Variants in CAMTA1 observed in about 807,000 individuals in gnomAD.
CAMTA1 encodes calmodulin-binding transcription activator 1.
CAMTA1 carries 27 observed loss-of-function variants against 170.9 expected under a neutral mutation model. That is an observed-to-expected ratio of 0.16 (90% CI 0.12 to 0.22). The LOEUF (loss-of-function observed/expected upper bound fraction) is 0.22, where lower values mean the gene tolerates loss of function less well. CAMTA1 is among the 10% of genes least tolerant of loss of function. The probability of loss-of-function intolerance (pLI) is 1.00; values close to 1 mark genes in which losing one functional copy is unlikely to be tolerated. For synonymous variants in CAMTA1, 833 were observed against 891.5 expected (o/e 0.93, Z 1.17); for missense variants, 1,619 against 2,217.2 (o/e 0.73, Z 5.42).
chr1:6,880,037 C>T (rs1461788859), intron 3 of CAMTA1, among the ~76,000 whole-genome samples: 1 of 151,656 alleles, frequency 6.6e-6, no homozygotes. Context: ...GAATGGTAGG[C>T]TTTTTATTTC....
At chr1:7,015,575 C>T (rs1176689191) in intron 3 of CAMTA1, among the ~76,000 whole-genome samples, 3 of 152,146 alleles carry the variant, frequency 2.0e-5, no homozygotes, top group Non-Finnish European at 4.4e-5. Context: ...GGGGCTGTGC[C>T]GTTCCATGAC....
intron 6 of CAMTA1, among the ~76,000 whole-genome samples, chr1:7,498,191 A>AGTGTTGGGGTGT (rs1553182529): frequency 1.3e-5 from 2 of 148,516 alleles, no homozygotes; most frequent in African/African-American, 5.0e-5. Flanking sequence ...TATGAGAGTG[A>AGTGTTGGGGTGT]GTGTGTGTGT....
rs145013989 is a variant in CAMTA1 at position 6,940,928 on chromosome 1, GAA to G, written c.234+115720_234+115721del. ...CTCACAGGCAGGGGATCCTCACAGG[GAA>G]AGGGGATCCTCAGGGGGAGGGGGGA... On this transcript the variant is annotated intron_variant, in intron 3 of 22. Coordinates refer to ENST00000303635, the MANE Select transcript of CAMTA1 (RefSeq NM_015215.4). Among the ~76,000 whole-genome samples the G allele has an allele frequency of 5.3e-3, 131 of 24,604 alleles. 1 individual carries two copies. Among genetic ancestry groups the G allele is most frequent in the East Asian group, 0.026 (12 of 454 alleles). The allele number at this position is 24,604 out of a possible 152,430, so 16.1% of individuals were successfully genotyped here.
At position 7,104,210 on chromosome 1, in the gene CAMTA1, CAT is replaced by C. The variant is rs143810083; in HGVS notation, c.302+12840_302+12841del. Among the ~76,000 whole-genome samples the C allele has an allele frequency of 1.9e-4, 29 of 151,886 alleles. No individual in the cohort carries two copies. In the East Asian group the frequency reaches 2.7e-3, roughly 14 times the overall value. On this transcript the variant is annotated intron_variant, in intron 4 of 22. Transcript: ENST00000303635. The stretch of plus-strand genomic sequence containing the variant: ...ACACACATGCACACACAACTACACA[CAT>C]GTACACACAACACAACTACACACGT...
chr1:6,889,388 T>C (rs1435217997), intron 3 of CAMTA1, among the ~76,000 whole-genome samples: 1 of 152,226 alleles, frequency 6.6e-6, no homozygotes, highest in Admixed American at 6.5e-5. Flanking sequence ...AAGCAGAGGA[T>C]ACAGATGTAA....
chr1:7,537,971 C>T (rs1025935058), intron 6 of CAMTA1, among the ~76,000 whole-genome samples: 11 of 152,196 alleles, frequency 7.2e-5, no homozygotes, highest in African/African-American at 9.6e-5. Context: ...TCCTGTCTGA[C>T]GTCGTGGCTC....
Position 6,785,459 on chromosome 1 carries a change from C to CGGGGTGGCTGGGCCG in CAMTA1, c.-70_-56dup, listed in dbSNP as rs1245798071. Reference sequence around the variant, plus strand: ...GGCCAGGGCGGGTGCGCGGCGGCGGCGGGGTGGCTGGGCCGGCGGCGGCGG... The same window carrying CGGGGTGGCTGGGCCG: ...GGCCAGGGCGGGTGCGCGGCGGCGGCGGGGTGGCTGGGCCGGGGGTGGCTGGGCCGGCGGCGGCGG... On this transcript the variant is annotated 5_prime_UTR_variant, in exon 1 of 23. Transcript: ENST00000303635. 5.3e-6 allele frequency: 5 copies of CGGGGTGGCTGGGCCG among 950,420 alleles called. No individual in the cohort carries two copies. The African/African-American group carries it at 7.5e-5, about 14-fold the overall frequency. The allele number at this position is 950,420 out of a possible 1,614,324, so 58.9% of individuals were successfully genotyped here. A position where few individuals can be genotyped will look rare whatever the true frequency, so the allele number is the denominator to read the frequency against.
In CAMTA1 at chr1:7,224,556, T is replaced by A. The variant is rs1442705591; in HGVS notation, c.303-24935T>A. Among the ~76,000 whole-genome samples the A allele has an allele frequency of 6.6e-6, 1 of 152,124 alleles. No homozygotes were observed. Among genetic ancestry groups the A allele is most frequent in the East Asian group, 1.9e-4 (1 of 5,184 alleles). On this transcript the variant is annotated intron_variant, in intron 4 of 22. Coordinates refer to ENST00000303635, the MANE Select transcript of CAMTA1 (RefSeq NM_015215.4). This position sits in a 1 kb window ranked among gnomAD's most constrained non-coding sequence, Gnocchi z 5.2. ...TTTTCAGGAATCTGCTGTGTACGGGTTTTATTTTTAAATGTCATCATCGTT... is the reference window on the plus strand; with the variant it reads ...TTTTCAGGAATCTGCTGTGTACGGGATTTATTTTTAAATGTCATCATCGTT...
At chr1:7,392,672 G>A (rs921860826) in intron 5 of CAMTA1, among the ~76,000 whole-genome samples, 2 of 151,716 alleles carry the variant, frequency 1.3e-5, no homozygotes, top group South Asian at 4.2e-4. Context: ...TCAGGAGTTC[G>A]AGACCAGCCT....
chr1:7,465,306 G>C (rs903316504), intron 5 of CAMTA1, among the ~76,000 whole-genome samples: 1 of 152,174 alleles, frequency 6.6e-6, no homozygotes, highest in Non-Finnish European at 1.5e-5. Flanking sequence ...CCAGTGTGCT[G>C]AGCCAGGCAG....
At chr1:7,151,796 T>C (rs1243537765) in intron 4 of CAMTA1, among the ~76,000 whole-genome samples, 1 of 152,198 alleles carries the variant, frequency 6.6e-6, no homozygotes, top group Non-Finnish European at 1.5e-5. Context: ...TTCCTTCCAG[T>C]GGGTTCGAGT....
chr1:7,593,119 G>A (rs2095367551), intron 6 of CAMTA1, among the ~76,000 whole-genome samples: 1 of 152,174 alleles, frequency 6.6e-6, no homozygotes, highest in Admixed American at 6.5e-5. Flanking sequence ...TCTCATCCAG[G>A]CCTGAAAGCA....
chr1:6,869,763 T>C (rs1240227961), intron 3 of CAMTA1, among the ~76,000 whole-genome samples: 2 of 152,146 alleles, frequency 1.3e-5, no homozygotes, highest in African/African-American at 2.4e-5. Context: ...GGTGAGGCGA[T>C]TGATTTCATT....
intron 11 of CAMTA1, among the ~76,000 whole-genome samples, chr1:7,712,402 C>T (rs1490121310): frequency 6.6e-6 from 1 of 152,008 alleles, no homozygotes; most frequent in Non-Finnish European, 1.5e-5. Context: ...CTCACTGCAA[C>T]TCCCACTGCC....
At chr1:7,071,980 C>T (rs184496151) in intron 3 of CAMTA1, among the ~76,000 whole-genome samples, 10 of 152,158 alleles carry the variant, frequency 6.6e-5, no homozygotes, top group Non-Finnish European at 1.0e-4. Flanking sequence ...AAGATGGACT[C>T]GTACTGGCTT....
chr1:7,645,583 G>A (rs1473291207), intron 7 of CAMTA1, among the ~76,000 whole-genome samples: 1 of 152,260 alleles, frequency 6.6e-6, no homozygotes, highest in African/African-American at 2.4e-5. Flanking sequence ...TGGCCCTGCA[G>A]CCATGAGCAA....
chr1:7,542,021 G>C (rs892689985), intron 6 of CAMTA1, among the ~76,000 whole-genome samples: 9 of 152,102 alleles, frequency 5.9e-5, no homozygotes, highest in African/African-American at 1.9e-4. Context: ...TGCATGAATG[G>C]CTATTTTTTT....
Position 7,737,993 on chromosome 1 carries a change from C to G in CAMTA1, c.3693C>G (p.Tyr1231Ter). 6.2e-7 allele frequency: 1 copy of G among 1,613,790 alleles called. No homozygotes were observed. The highest frequency in any genetic ancestry group is 8.5e-7 in the Non-Finnish European group (1 of 1,179,852). ...LRRPRSEPSNYYSSESHKDYP... is the reference protein window; with the variant it reads ...LRRPRSEPSN Reference sequence around the variant, plus strand: ...GACCTCGTTCTGAACCCTCTAATTACTACAGCAGTGAGAGCCACAAAGATT... The same window carrying G: ...GACCTCGTTCTGAACCCTCTAATTAGTACAGCAGTGAGAGCCACAAAGATT... Residue 1231 changes from tyrosine (Y) to a stop codon, truncating the protein, a stop_gained, in exon 16 of 23, where the codon TAC becomes TAG. Transcript: ENST00000303635. LOFTEE classifies it high-confidence loss of function.
At chr1:7,616,518 C>G (rs191694679) in intron 6 of CAMTA1, among the ~76,000 whole-genome samples, 22 of 152,392 alleles carry the variant, frequency 1.4e-4, no homozygotes, top group Admixed American at 2.6e-4. Flanking sequence ...CTTAAAGCAA[C>G]AGCCTCCAGG....
Sources: gnomAD v4.1 joint callset for allele counts (sites outside exome capture counted in the v4.1 genomes callset) on GRCh38, gnomAD v4.1.1 for gene constraint, Gnocchi (gnomAD v3.1) non-coding constraint, MANE v1.5 for transcripts, NCBI Gene and HGNC (gene_info 2026-07-23, HGNC 2026-07-21) for gene names.